CLNK: variants seen among roughly 807,000 people sequenced by gnomAD.
The protein encoded by CLNK is cytokine-dependent hematopoietic cell linker.
A neutral mutation model predicts 68.6 loss-of-function variants in CLNK; 74 were observed. The ratio of observed to expected loss-of-function variants is 1.08; its 90% CI spans 0.89 to 1.31. CLNK has a LOEUF of 1.31. Among genes scored for constraint, CLNK ranks in the 50% most tolerant of loss-of-function variants. The pLI is 0.00. For synonymous variants in CLNK, 198 were observed against 172.2 expected, an observed-to-expected ratio of 1.15 and a Z score of -1.17; for missense variants, 553 against 515.3, an observed-to-expected ratio of 1.07 and a Z score of -0.71.
intron 8 of CLNK, among the ~76,000 whole-genome samples, chr4:10,548,096 T>G (rs1278305760): frequency 6.6e-6 from 1 of 152,220 alleles, no homozygotes; most frequent in Non-Finnish European, 1.5e-5. Flanking sequence ...CCAATTTACA[T>G]TCTCACCAAC....
At chr4:10,704,372 C>G in the CLNK span, among the ~76,000 whole-genome samples, 1 of 152,174 alleles carries the variant, frequency 6.6e-6, no homozygotes, top group Non-Finnish European at 1.5e-5. Context: ...GATATAATAA[C>G]TTAGAATCAT....
rs1560206938 is a variant in CLNK at position 10,537,691 on chromosome 4, C to CT, written c.602+2802dup. Reference sequence around the variant, plus strand: ...TCTTTCTTTCTTTCTTCCTTCCTTCCTTCCTTCCTTCCTTCCTTTCTTTCT... The same window carrying CT: ...TCTTTCTTTCTTTCTTCCTTCCTTCCTTTCCTTCCTTCCTTCCTTTCTTTCT... On this transcript the variant is annotated intron_variant, in intron 11 of 18. Transcript: ENST00000226951. Among the ~76,000 whole-genome samples the CT allele has an allele frequency of 3.9e-4, 24 of 62,164 alleles. 1 individual carries two copies. The highest frequency in any genetic ancestry group is 1.2e-3 in the South Asian group (2 of 1,602). The allele number at this position is 62,164 out of a possible 152,430, so 40.8% of individuals were successfully genotyped here.
chr4:10,719,208 T>C, the CLNK span, among the ~76,000 whole-genome samples: 1 of 152,090 alleles, frequency 6.6e-6, no homozygotes, highest in Non-Finnish European at 1.5e-5. Flanking sequence ...TCAGTAGTCA[T>C]ACTAAGTGTA....
chr4:10,683,498 C>T (rs1256610460), intron 1 of CLNK, among the ~76,000 whole-genome samples: 2 of 152,176 alleles, frequency 1.3e-5, no homozygotes, highest in African/African-American at 4.8e-5. Context: ...ATCAGTCAGC[C>T]AGGAAAATCA....
intron 2 of CLNK, among the ~76,000 whole-genome samples, chr4:10,649,867 G>T (rs1054566330): frequency 4.0e-5 from 6 of 150,952 alleles, no homozygotes; most frequent in Non-Finnish European, 8.9e-5. Context: ...AGAAATATGA[G>T]CAGGCAGACA....
chr4:10,609,732 G>A (rs1009855060), intron 2 of CLNK, among the ~76,000 whole-genome samples: 1 of 152,216 alleles, frequency 6.6e-6, no homozygotes, highest in Non-Finnish European at 1.5e-5. Context: ...CAAAGTGGAG[G>A]GTGGCATTTG....
At chr4:10,603,602 G>A (rs577174873) in intron 2 of CLNK, among the ~76,000 whole-genome samples, 122 of 152,326 alleles carry the variant, frequency 8.0e-4, no homozygotes, top group Middle Eastern at 3.4e-3. Context: ...CCTGTGGAGG[G>A]AAGAGAAAGA....
chr4:10,522,862 G>C (rs1466724482), intron 14 of CLNK, among the ~76,000 whole-genome samples: 2 of 152,208 alleles, frequency 1.3e-5, no homozygotes, highest in Non-Finnish European at 2.9e-5. Context: ...GGCTCTGTGG[G>C]AGAAAGATGA....
intron 4 of CLNK, among the ~76,000 whole-genome samples, chr4:10,577,889 T>C (rs1199910563): frequency 1.3e-5 from 2 of 152,188 alleles, no homozygotes; most frequent in African/African-American, 2.4e-5. Context: ...GGCAGTAACA[T>C]AGCAGAGCAG....
intron 11 of CLNK, among the ~76,000 whole-genome samples, chr4:10,537,690 C>CCTTT (rs1718840566): frequency 1.1e-4 from 1 of 9,356 alleles, no homozygotes; most frequent in Non-Finnish European, 2.8e-4. Context: ...TTCCTTCCTT[C>CCTTT]CTTCCTTCCT....
intron 3 of CLNK, among the ~76,000 whole-genome samples, chr4:10,592,378 A>C (rs1043231121): frequency 6.6e-6 from 1 of 152,144 alleles, no homozygotes; most frequent in Admixed American, 6.5e-5. Flanking sequence ...GATTTGCCAG[A>C]CATGTTTTAG....
At chr4:10,548,964 C>G (rs1719342088) in intron 8 of CLNK, among the ~76,000 whole-genome samples, 1 of 152,192 alleles carries the variant, frequency 6.6e-6, no homozygotes, top group Non-Finnish European at 1.5e-5. Context: ...GTTCCTTTTA[C>G]TCAAGATTGC....
At chr4:10,514,440 A>G (rs1717741685) in intron 15 of CLNK, among the ~76,000 whole-genome samples, 1 of 151,236 alleles carries the variant, frequency 6.6e-6, no homozygotes, top group African/African-American at 2.4e-5. Context: ...CCTCAGAAAT[A>G]ACGCTGCATA....
At chr4:10,512,077 G>A (rs767458348) in intron 16 of CLNK, among the ~76,000 whole-genome samples, 65 of 152,156 alleles carry the variant, frequency 4.3e-4, no homozygotes, top group Non-Finnish European at 7.9e-4. Context: ...TGTGGTCCAA[G>A]CCTGTCTCAT....
chr4:10,626,291 A>G (rs575005487), intron 2 of CLNK, among the ~76,000 whole-genome samples: 12 of 152,306 alleles, frequency 7.9e-5, no homozygotes, highest in Admixed American at 5.2e-4. Flanking sequence ...TGGATTTTAG[A>G]CAGACAGTTC....
intron 3 of CLNK, among the ~76,000 whole-genome samples, chr4:10,594,760 A>G (rs1334656259): frequency 1.3e-5 from 2 of 152,196 alleles, no homozygotes; most frequent in African/African-American, 4.8e-5. Context: ...AAGAATATAC[A>G]TATACATACA....
chr4:10,701,551 G>A, the CLNK span, among the ~76,000 whole-genome samples: 1 of 152,192 alleles, frequency 6.6e-6, no homozygotes, highest in South Asian at 2.1e-4. Flanking sequence ...CAAGTTGTTA[G>A]GTGAATGGAA....
rs143003605 is a variant in CLNK at position 10,639,786 on chromosome 4, T to C, written c.11+28073A>G. 5.4e-3 allele frequency among the ~76,000 whole-genome samples: 821 copies of C among 152,360 alleles called. 15 individuals carry two copies. The highest frequency in any genetic ancestry group is 0.019 in the African/African-American group (770 of 41,582). On this transcript the variant is annotated intron_variant, in intron 2 of 18. Coordinates refer to ENST00000226951, the MANE Select transcript of CLNK (RefSeq NM_052964.4). ...ACAGTGCAGATTTAGAACATTTCCA[T>C]CATCACAGAAAGGTCTGTTGGGTGG...
chr4:10,592,179 C>T (rs539003346), intron 3 of CLNK, among the ~76,000 whole-genome samples: 5 of 152,282 alleles, frequency 3.3e-5, no homozygotes, highest in African/African-American at 9.6e-5. Context: ...TATTGTAAAA[C>T]CTTACTTGAG....
Sources: allele counts gnomAD v4.1 joint callset (sites outside exome capture counted in the v4.1 genomes callset), GRCh38; gene constraint gnomAD v4.1.1; transcripts MANE v1.5; gene names NCBI Gene and HGNC (gene_info 2026-07-23, HGNC 2026-07-21).